The following MAML2 variants were observed in gnomAD, a reference collection of about 807,000 sequenced individuals.
The protein encoded by MAML2 is mastermind-like protein 2.
MAML2 carries 22 observed loss-of-function variants against 96.1 expected under a neutral mutation model. The ratio of observed to expected loss-of-function variants is 0.23; its 90% confidence interval spans 0.16 to 0.33. The LOEUF is 0.33. Ranked by LOEUF, MAML2 falls within the 10% of genes least tolerant of loss-of-function variation. The pLI, the probability that MAML2 is intolerant of heterozygous loss-of-function variation, is 1.00. For synonymous variants in MAML2, 561 were observed against 521.3 expected, an observed-to-expected ratio of 1.08 and a Z score of -1.04; for missense variants, 1,367 against 1,392.4, an observed-to-expected ratio of 0.98 and a Z score of 0.29.
chr11:96,031,767 C>T (rs549859997), intron 2 of MAML2, among the ~76,000 whole-genome samples: 3 of 152,162 alleles, frequency 2.0e-5, no homozygotes, highest in East Asian at 1.9e-4. Context: ...GGGTGGATCA[C>T]GAAGTCAGGA....
chr11:96,063,729 T>C (rs950103890), intron 2 of MAML2, among the ~76,000 whole-genome samples: 9 of 152,124 alleles, frequency 5.9e-5, no homozygotes, highest in African/African-American at 2.2e-4. Flanking sequence ...ATATTGTTTC[T>C]CAAATAACTA....
chr11:96,158,232 GAA>G (rs1460661820), intron 1 of MAML2, among the ~76,000 whole-genome samples: 1 of 152,192 alleles, frequency 6.6e-6, no homozygotes, highest in Non-Finnish European at 1.5e-5. Context: ...ATTTACAGAT[GAA>G]AGAGTCCTAA....
chr11:96,132,756 T>C (rs1337981437), intron 1 of MAML2, among the ~76,000 whole-genome samples: 1 of 152,224 alleles, frequency 6.6e-6, no homozygotes, highest in African/African-American at 2.4e-5. Flanking sequence ...TTGTCCTCTC[T>C]ACCTGTAGGA....
At chr11:96,139,463 C>A (rs1321788648) in intron 1 of MAML2, among the ~76,000 whole-genome samples, 2 of 146,796 alleles carry the variant, frequency 1.4e-5, no homozygotes, top group East Asian at 2.0e-4. Context: ...GGCGACAGAG[C>A]GAGACTCTGT....
intron 1 of MAML2, among the ~76,000 whole-genome samples, chr11:96,131,279 A>G (rs1860544560): frequency 6.6e-6 from 1 of 152,204 alleles, no homozygotes; most frequent in African/African-American, 2.4e-5. Flanking sequence ...GCTTAAAAAC[A>G]TGTGAAAAAA....
Position 96,137,679 on chromosome 11 carries a change from G to A in MAML2, c.514-44162C>T, listed in dbSNP as rs926784030. 7.2e-5 allele frequency among the ~76,000 whole-genome samples: 11 copies of A among 152,340 alleles called. No homozygotes were observed. In the South Asian group the frequency reaches 2.1e-3, roughly 29 times the overall value. On this transcript the variant is annotated intron_variant, in intron 1 of 4. Transcript: ENST00000524717. ...TATACTACACATACACTGTGTGAGTGTGTCTGAAAGACGGTGGGCAGGGGA... is the reference window on the plus strand; with the variant it reads ...TATACTACACATACACTGTGTGAGTATGTCTGAAAGACGGTGGGCAGGGGA...
chr11:96,277,917 CTT>C (rs55884794), intron 1 of MAML2, among the ~76,000 whole-genome samples: 4 of 142,390 alleles, frequency 2.8e-5, no homozygotes, highest in Admixed American at 1.4e-4. Flanking sequence ...TCTGTGGGAA[CTT>C]TTTTTTTTTT....
At chr11:96,237,040 A>C (rs693182) in intron 1 of MAML2, among the ~76,000 whole-genome samples, 74,857 of 151,972 alleles carry the variant, frequency 0.49, 19,700 homozygotes, top group Non-Finnish European at 0.59. Context: ...ACCAAGCATG[A>C]GCCAAAATGG....
At chr11:96,029,443 A>ATTCT (rs1414792249) in intron 2 of MAML2, among the ~76,000 whole-genome samples, 1 of 152,080 alleles carries the variant, frequency 6.6e-6, no homozygotes, top group Non-Finnish European at 1.5e-5. Flanking sequence ...TCTCAAAGAG[A>ATTCT]TTCTTTACCA....
chr11:96,162,652 G>A (rs1339526359), intron 1 of MAML2, among the ~76,000 whole-genome samples: 13 of 150,854 alleles, frequency 8.6e-5, no homozygotes, highest in African/African-American at 2.7e-4. Context: ...TGGAGGTTTC[G>A]GTGAGCCGAG....
intron 1 of MAML2, among the ~76,000 whole-genome samples, chr11:96,104,425 A>G (rs1453494454): frequency 1.3e-5 from 2 of 152,172 alleles, no homozygotes; most frequent in Non-Finnish European, 2.9e-5. Context: ...ACATATATTA[A>G]TTAAATAATT....
In MAML2 at chr11:96,217,271, T is replaced by A. The variant is rs192731717; in HGVS notation, c.514-123754A>T. Among the ~76,000 whole-genome samples the A allele has an allele frequency of 5.9e-5, 9 of 152,274 alleles. No individual in the cohort carries two copies. In the South Asian group the frequency reaches 8.3e-4, roughly 14 times the overall value. On this transcript the variant is annotated intron_variant, in intron 1 of 4. Coordinates refer to ENST00000524717, the MANE Select transcript of MAML2 (RefSeq NM_032427.4). ...TGAAGGAAAGTGAGAATGCCACTCC[T>A]GTGCATTTACTAAAAGTAACTGCAC...
intron 1 of MAML2, among the ~76,000 whole-genome samples, chr11:96,238,720 T>C (rs1175293026): frequency 6.6e-6 from 1 of 152,240 alleles, no homozygotes; most frequent in Non-Finnish European, 1.5e-5. Context: ...CATGTGAGCT[T>C]ATTCAAGTGT....
At chr11:95,991,882 A>G (rs1018451698) in intron 2 of MAML2, among the ~76,000 whole-genome samples, 159 bp from the exon 3 acceptor site, 27 of 152,338 alleles carry the variant, frequency 1.8e-4, no homozygotes, top group African/African-American at 6.5e-4. Flanking sequence ...TTAAATGTAG[A>G]AGAAATAATT....
chr11:96,125,915 T>C (rs184074607), intron 1 of MAML2, among the ~76,000 whole-genome samples: 10 of 152,236 alleles, frequency 6.6e-5, no homozygotes, highest in African/African-American at 7.2e-5. Flanking sequence ...TAGATTCTGG[T>C]TGTAATTGTG....
chr11:96,138,394 G>A (rs1329512916), intron 1 of MAML2, among the ~76,000 whole-genome samples: 1 of 152,032 alleles, frequency 6.6e-6, no homozygotes, highest in Non-Finnish European at 1.5e-5. Context: ...CTGAAGCTTT[G>A]TGGCCAAAGG....
At chr11:96,279,744 G>A (rs1863039953) in intron 1 of MAML2, among the ~76,000 whole-genome samples, 1 of 152,194 alleles carries the variant, frequency 6.6e-6, no homozygotes, top group South Asian at 2.1e-4. Context: ...TTGGCAGCAT[G>A]CATGACTGTG....
chr11:96,121,780 ATTT>A (rs543373689), intron 1 of MAML2, among the ~76,000 whole-genome samples: 28 of 35,238 alleles, frequency 7.9e-4, no homozygotes, highest in South Asian at 2.6e-3. Context: ...CAACTGCGTG[ATTT>A]TTTTTTTTTT....
chr11:96,099,475 A>AT lies in MAML2; in HGVS notation c.514-5959dup, dbSNP rs1272748364. Among the ~76,000 whole-genome samples the AT allele has an allele frequency of 1.2e-4, 19 of 152,258 alleles. 1 individual carries two copies. The highest frequency in any genetic ancestry group is 4.6e-4 in the African/African-American group (19 of 41,526). ...GAGCTTCCTTGTATTACTAGATATT[A>AT]TTTTATGGCCACACAGTAATTAGGT... On this transcript the variant is annotated intron_variant, in intron 1 of 4. Coordinates refer to ENST00000524717, the MANE Select transcript of MAML2 (RefSeq NM_032427.4).
Sources: gnomAD v4.1 joint callset for allele counts (sites outside exome capture counted in the v4.1 genomes callset) on GRCh38, gnomAD v4.1.1 for gene constraint, MANE v1.5 for transcripts, NCBI Gene and HGNC (gene_info 2026-07-23, HGNC 2026-07-21) for gene names.